OTUD7A: variants seen among roughly 807,000 people sequenced by gnomAD.
OTUD7A encodes the protein OTU domain-containing protein 7A.
In OTUD7A, 12 loss-of-function variants were observed where a neutral mutation model predicts 65.7. That is an observed-to-expected ratio of 0.18 (90% CI 0.12 to 0.30). The LOEUF is 0.30. Ranked by LOEUF, OTUD7A falls within the 10% of genes least tolerant of loss-of-function variation. The pLI is 1.00. For synonymous variants in OTUD7A, 641 were observed against 586.3 expected (o/e 1.09, Z -1.35); for missense variants, 1,148 against 1,304.8 (o/e 0.88, Z 1.85).
Position 31,484,030 on chromosome 15 carries a change from G to A in OTUD7A, c.2066C>T (p.Ala689Val), listed in dbSNP as rs1320914831. The change falls in exon 13 of 13, where the codon GCT (alanine) becomes GTT (valine). Residue 689 changes from alanine (A) to valine (V), a missense_variant. By Grantham distance (64) the Ala-to-Val change is moderately conservative (BLOSUM62 0). Coordinates refer to ENST00000307050, the MANE Select transcript of OTUD7A (RefSeq NM_001382637.1). The surrounding 1 kb of genome is among the most constrained non-coding windows in gnomAD (Gnocchi z 4.5). ...RRRDAATAAA[A>V]AAAAAAATAK... ...CGTGGCGGCGGCGGCGGCGGCGGCA[G>A]CGGCGGCCGCAGTAGCGGCGTCGCG... 1.9e-5 allele frequency: 24 copies of A among 1,245,396 alleles called. No homozygotes were observed. Among genetic ancestry groups the A allele is most frequent in the Non-Finnish European group, 2.4e-5 (24 of 998,770 alleles). The allele number at this position is 1,245,396 out of a possible 1,614,324, so 77.1% of individuals were successfully genotyped here. A position where few individuals can be genotyped will look rare whatever the true frequency, so the allele number is the denominator to read the frequency against.
chr15:31,564,513 GAAC>G (rs1888801394), intron 4 of OTUD7A, among the ~76,000 whole-genome samples: 1 of 151,676 alleles, frequency 6.6e-6, no homozygotes, highest in Admixed American at 6.6e-5. Flanking sequence ...AGGCAGGACA[GAAC>G]AACATAAAAT....
chr15:31,634,535 C>G (rs1891280060), intron 3 of OTUD7A, among the ~76,000 whole-genome samples: 1 of 152,234 alleles, frequency 6.6e-6, no homozygotes. Flanking sequence ...CCCACCATGC[C>G]TCTGTCTGTC....
At chr15:31,568,712 A>G (rs1290526875) in intron 4 of OTUD7A, among the ~76,000 whole-genome samples, 1 of 152,220 alleles carries the variant, frequency 6.6e-6, no homozygotes, top group African/African-American at 2.4e-5. Flanking sequence ...TCACGGGGGC[A>G]GATCCCTCAT....
chr15:31,518,269 C>A (rs12440031), intron 8 of OTUD7A, among the ~76,000 whole-genome samples: 27,498 of 151,790 alleles, frequency 0.18, 2,956 homozygotes, highest in East Asian at 0.37. Flanking sequence ...GTCAGGAGAT[C>A]GAGACCATCC....
intron 4 of OTUD7A, among the ~76,000 whole-genome samples, chr15:31,563,837 A>T (rs575364374): frequency 2.6e-5 from 4 of 152,272 alleles, no homozygotes; most frequent in African/African-American, 9.6e-5. Flanking sequence ...CTAGAGCCCA[A>T]ATGACAACAT....
At chr15:31,867,148 C>G (rs1897897473) in intron 1 of OTUD7A, among the ~76,000 whole-genome samples, 1 of 152,170 alleles carries the variant, frequency 6.6e-6, no homozygotes, top group South Asian at 2.1e-4. Context: ...AGTTCAGTCC[C>G]TGCGAGGAAA....
intron 1 of OTUD7A, among the ~76,000 whole-genome samples, chr15:31,740,477 A>G (rs1419319588): frequency 6.6e-6 from 1 of 151,980 alleles, no homozygotes; most frequent in African/African-American, 2.4e-5. Context: ...CAAGGAGGAG[A>G]TGAGTCAGGA....
At chr15:31,811,112 G>A (rs952097780) in intron 1 of OTUD7A, among the ~76,000 whole-genome samples, 5 of 152,142 alleles carry the variant, frequency 3.3e-5, no homozygotes, top group Admixed American at 1.3e-4. Context: ...GAAGGTGCAC[G>A]GATTCAACCT....
intron 1 of OTUD7A, among the ~76,000 whole-genome samples, chr15:31,756,472 G>A (rs1049882251): frequency 1.8e-4 from 27 of 152,168 alleles, no homozygotes; most frequent in African/African-American, 5.8e-4. Flanking sequence ...CAGTGCTGAC[G>A]CACAAAGTCA....
At chr15:31,757,748 A>T (rs1595749609) in intron 1 of OTUD7A, among the ~76,000 whole-genome samples, 1 of 152,330 alleles carries the variant, frequency 6.6e-6, no homozygotes. Context: ...TGGACAAAGC[A>T]GTTTATATGG....
intron 3 of OTUD7A, among the ~76,000 whole-genome samples, chr15:31,644,268 G>A (rs1891601637): frequency 6.6e-6 from 1 of 152,102 alleles, no homozygotes; most frequent in African/African-American, 2.4e-5. Context: ...CGCTTTTGGG[G>A]ATCCCTCTCT....
intron 1 of OTUD7A, among the ~76,000 whole-genome samples, 185 bp downstream of exon 1, chr15:31,870,322 C>T (rs1291885423): frequency 4.1e-5 from 6 of 146,830 alleles, no homozygotes; most frequent in African/African-American, 1.5e-4. Context: ...CGAGCCCAGC[C>T]GGGGCCCGCG....
At chr15:31,698,628 GCTTCATCTTCTCT>G in intron 1 of OTUD7A, among the ~76,000 whole-genome samples, 1 of 150,792 alleles carries the variant, frequency 6.6e-6, no homozygotes, top group South Asian at 2.1e-4. Flanking sequence ...TCTGCTAATA[GCTTCATCTTCTCT>G]CTTTCTTCTT....
intron 1 of OTUD7A, among the ~76,000 whole-genome samples, chr15:31,757,378 T>C (rs1043999290): frequency 6.7e-6 from 1 of 150,332 alleles, no homozygotes; most frequent in Non-Finnish European, 1.5e-5. Context: ...CGTTTATATA[T>C]ATAAAGGGTT....
At chr15:31,568,426 G>A (rs1298462256) in intron 4 of OTUD7A, among the ~76,000 whole-genome samples, 1 of 152,228 alleles carries the variant, frequency 6.6e-6, no homozygotes, top group Non-Finnish European at 1.5e-5. Context: ...TTGTATCTTG[G>A]GAGTGAATAA....
chr15:31,795,571 G>C (rs1895930447), intron 1 of OTUD7A, among the ~76,000 whole-genome samples: 1 of 152,212 alleles, frequency 6.6e-6, no homozygotes, highest in South Asian at 2.1e-4. Flanking sequence ...GTGGGTTGGA[G>C]TGCCAGGGCA....
At position 31,575,575 on chromosome 15, in the gene OTUD7A, C is replaced by T. The variant is rs78642212; in HGVS notation, c.152-5378G>A. On this transcript the variant is annotated intron_variant, in intron 3 of 12. Coordinates refer to ENST00000307050, the MANE Select transcript of OTUD7A (RefSeq NM_001382637.1). Reference sequence around the variant, plus strand: ...TTACTTTTTGCTTGTTCCACACATCCACCATGGGTTGACTGAACTCTGTGA... The same window carrying T: ...TTACTTTTTGCTTGTTCCACACATCTACCATGGGTTGACTGAACTCTGTGA... Among the ~76,000 whole-genome samples the T allele has an allele frequency of 5.9e-5, 9 of 152,294 alleles. No homozygotes were observed. In the East Asian group the frequency reaches 1.7e-3, roughly 29 times the overall value.
chr15:31,486,633 A>G (rs1253446895), intron 12 of OTUD7A, among the ~76,000 whole-genome samples: 1 of 152,026 alleles, frequency 6.6e-6, no homozygotes, highest in Non-Finnish European at 1.5e-5. Flanking sequence ...AGGCAGCCTC[A>G]TGGGGCGTAG....
At chr15:31,830,783 T>A (rs1264368913) in intron 1 of OTUD7A, among the ~76,000 whole-genome samples, 1 of 152,212 alleles carries the variant, frequency 6.6e-6, no homozygotes, top group Non-Finnish European at 1.5e-5. Flanking sequence ...TTGTCAGAAT[T>A]TTCTTAGTCA....
Sources: allele counts gnomAD v4.1 joint callset (sites outside exome capture counted in the v4.1 genomes callset), GRCh38; gene constraint gnomAD v4.1.1; non-coding constraint Gnocchi (gnomAD v3.1); transcripts MANE v1.5; gene names NCBI Gene and HGNC (gene_info 2026-07-23, HGNC 2026-07-21).